ATP9B: variants seen among roughly 807,000 people sequenced by gnomAD.
The protein encoded by ATP9B is probable phospholipid-transporting ATPase IIB.
Under a neutral mutation model 146.1 loss-of-function variants are expected in ATP9B, and 110 were observed. The ratio of observed to expected loss-of-function variants is 0.75; its 90% CI spans 0.65 to 0.88. The LOEUF (loss-of-function observed/expected upper bound fraction) is 0.88, where lower values mean the gene tolerates loss of function less well. Ranked by LOEUF, ATP9B falls within the 40% of genes least tolerant of loss-of-function variation. ATP9B has a pLI of 0.00. For synonymous variants in ATP9B, 604 were observed against 569.7 expected, an observed-to-expected ratio of 1.06 and a Z score of -0.86; for missense variants, 1,499 against 1,496.4, an observed-to-expected ratio of 1.00 and a Z score of -0.03.
chr18:79,303,392 G>C (rs2096603924), intron 13 of ATP9B, among the ~76,000 whole-genome samples: 1 of 151,932 alleles, frequency 6.6e-6, no homozygotes, highest in Non-Finnish European at 1.5e-5. Context: ...TGTTATAAAG[G>C]TACCTTGACA....
chr18:79,305,626 A>T (rs1017786525), intron 14 of ATP9B, among the ~76,000 whole-genome samples: 2 of 152,252 alleles, frequency 1.3e-5, no homozygotes, highest in African/African-American at 4.8e-5. Flanking sequence ...CTATGAATGT[A>T]ATTTTAATAG....
intron 11 of ATP9B, among the ~76,000 whole-genome samples, chr18:79,248,975 C>T (rs1391969330): frequency 6.6e-6 from 1 of 151,700 alleles, no homozygotes; most frequent in African/African-American, 2.4e-5. Context: ...ACATTGATTG[C>T]TTAGGAACTT....
intron 1 of ATP9B, among the ~76,000 whole-genome samples, chr18:79,073,971 T>A (rs1187526295): frequency 6.6e-6 from 1 of 152,210 alleles, no homozygotes; most frequent in Non-Finnish European, 1.5e-5. Flanking sequence ...TTTTCGATTG[T>A]CTCTTGGGTA....
intron 8 of ATP9B, among the ~76,000 whole-genome samples, chr18:79,180,967 G>GTT (rs1481200719): frequency 2.9e-5 from 4 of 140,014 alleles, no homozygotes; most frequent in South Asian, 2.6e-4. Context: ...GCTAATTTTT[G>GTT]TTTTTTTGTT....
chr18:79,319,041 A>G (rs979370316), intron 15 of ATP9B, among the ~76,000 whole-genome samples: 1 of 152,170 alleles, frequency 6.6e-6, no homozygotes, highest in Admixed American at 6.5e-5. Context: ...GCTGTGTGGT[A>G]TTCTGGTGAG....
chr18:79,240,187 G>A (rs2095875597), intron 11 of ATP9B, among the ~76,000 whole-genome samples: 1 of 152,206 alleles, frequency 6.6e-6, no homozygotes, highest in Non-Finnish European at 1.5e-5. Context: ...TACTGCCTTG[G>A]TAGGTCATTT....
intron 2 of ATP9B, among the ~76,000 whole-genome samples, chr18:79,104,820 A>G (rs547764724): frequency 6.6e-6 from 1 of 151,986 alleles, no homozygotes; most frequent in East Asian, 1.9e-4. Flanking sequence ...TATGGCCCAC[A>G]GCAGCCTTGA....
At chr18:79,092,575 TTC>T (rs2074420440) in intron 1 of ATP9B, among the ~76,000 whole-genome samples, 1 of 152,012 alleles carries the variant, frequency 6.6e-6, no homozygotes, top group South Asian at 2.1e-4. Flanking sequence ...CAAAAATATT[TTC>T]TTTTTTTATA....
chr18:79,101,095 C>T (rs1228400165), intron 2 of ATP9B, among the ~76,000 whole-genome samples: 1 of 151,338 alleles, frequency 6.6e-6, no homozygotes, highest in African/African-American at 2.4e-5. Context: ...GGACACTTAC[C>T]TTGGCACAGT....
chr18:79,217,206 A>G (rs574031487), intron 11 of ATP9B, among the ~76,000 whole-genome samples: 12 of 152,264 alleles, frequency 7.9e-5, no homozygotes, highest in Non-Finnish European at 1.6e-4. Flanking sequence ...ATTTTTTGAG[A>G]CAGAGTCTTG....
At chr18:79,330,270 G>A (rs2096783117) in intron 17 of ATP9B, among the ~76,000 whole-genome samples, 166 bp downstream of exon 17, 1 of 152,166 alleles carries the variant, frequency 6.6e-6, no homozygotes, top group African/African-American at 2.4e-5. Context: ...GATGAATTGA[G>A]CTGTCAAAAT....
chr18:79,213,911 T>A, intron 10 of ATP9B, 51 bp from the exon 11 acceptor site: 2 of 1,306,970 alleles, frequency 1.5e-6, no homozygotes, highest in Non-Finnish European at 2.1e-6. Flanking sequence ...AGTGTTATCT[T>A]TTACTCATCT....
chr18:79,332,756 A>G (rs2096798591), intron 17 of ATP9B: 1 of 152,228 alleles, frequency 6.6e-6, no homozygotes, highest in African/African-American at 2.4e-5. Context: ...AGGTATAATG[A>G]ATGACAGCCT....
chr18:79,218,073 G>T (rs934540389), intron 11 of ATP9B, among the ~76,000 whole-genome samples: 1 of 152,222 alleles, frequency 6.6e-6, no homozygotes, highest in African/African-American at 2.4e-5. Flanking sequence ...TGATAATAAA[G>T]TGCCTCATAC....
chr18:79,350,645 T>C (rs79358956), intron 25 of ATP9B, among the ~76,000 whole-genome samples: 5,067 of 152,360 alleles, frequency 0.033, 135 homozygotes, highest in Non-Finnish European at 0.043. Flanking sequence ...TTTCCGTGAA[T>C]TCCAGTAGTG....
intron 9 of ATP9B, among the ~76,000 whole-genome samples, chr18:79,203,291 T>A (rs1403252031): frequency 6.6e-6 from 1 of 151,494 alleles, no homozygotes; most frequent in Non-Finnish European, 1.5e-5. Flanking sequence ...CAGGAGGCCC[T>A]GGAGGAGCAG....
rs117286836 is a variant in ATP9B, at chr18:79,198,466, A to G, written c.954+5203A>G. On this transcript the variant is annotated intron_variant, in intron 9 of 29. Coordinates refer to ENST00000426216, the MANE Select transcript of ATP9B (RefSeq NM_198531.5). ...TGCACTAATAACAGAGCTGCAAAAT[A>G]CGGTCATGAGTTGCTTAATAGTAGA... Among the ~76,000 whole-genome samples, 205 of 152,364 alleles carry G rather than the reference A, an allele frequency of 1.3e-3. 7 individuals are homozygous for G. The East Asian group carries it at 0.038, about 28-fold the overall frequency.
Position 79,342,292 on chromosome 18 carries a change from C to A in ATP9B, c.2308C>A (p.Leu770Ile), listed in dbSNP as rs2096863697. The change falls in exon 20 of 30, where the codon CTC becomes ATC. Residue 770 changes from leucine to isoleucine, a missense_variant. Physicochemically the swap from Leu to Ile is conservative, Grantham distance 5 (BLOSUM62 2). Transcript: ENST00000426216. ...IKIWMLTGDK[L>I]ETATCIAKSS... is the part of the protein sequence containing the mutation. The stretch of plus-strand genomic sequence containing the variant: ...GATATGGATGCTAACAGGCGATAAA[C>A]TCGAGACAGCTACCTGCATTGCCAA... 6.2e-7 allele frequency: 1 copy of A among 1,613,490 alleles called. No homozygotes were observed. Among genetic ancestry groups the A allele is most frequent in the South Asian group, 1.1e-5 (1 of 91,024 alleles).
chr18:79,084,821 T>C (rs2073646204), intron 1 of ATP9B, among the ~76,000 whole-genome samples: 1 of 152,184 alleles, frequency 6.6e-6, no homozygotes, highest in South Asian at 2.1e-4. Context: ...ATCATACTAC[T>C]TTAGGACACA....
Sources: allele counts gnomAD v4.1 joint callset (sites outside exome capture counted in the v4.1 genomes callset), GRCh38; gene constraint gnomAD v4.1.1; transcripts MANE v1.5; gene names NCBI Gene and HGNC (gene_info 2026-07-23, HGNC 2026-07-21).